GULP1: variants seen among roughly 807,000 people sequenced by gnomAD.
GULP1 encodes the protein GULP PTB domain containing engulfment adaptor 1.
In GULP1, 19 loss-of-function variants were observed where a neutral mutation model predicts 40.9. The observed-to-expected ratio is 0.46, with a 90% CI of 0.32 to 0.68. GULP1 has a LOEUF of 0.68. Ranked by LOEUF, GULP1 falls within the 30% of genes least tolerant of loss-of-function variation. GULP1 has a pLI of 0.03. For missense variants in GULP1, 312 were observed against 362.2 expected, an observed-to-expected ratio of 0.86 and a Z score of 1.12; for synonymous variants, 119 against 117.6, an observed-to-expected ratio of 1.01 and a Z score of -0.08.
intron 2 of GULP1, among the ~76,000 whole-genome samples, chr2:188,435,934 T>A (rs543992700): frequency 5.6e-4 from 86 of 152,268 alleles, no homozygotes; most frequent in African/African-American, 2.0e-3. Context: ...CCTCTTTTAA[T>A]GAATCTCACT....
intron 2 of GULP1, among the ~76,000 whole-genome samples, chr2:188,423,005 C>G (rs1334137417): frequency 6.6e-6 from 1 of 152,046 alleles, no homozygotes; most frequent in African/African-American, 2.4e-5. Context: ...GAGATTTCCA[C>G]TAATCTCTAG....
intron 2 of GULP1, among the ~76,000 whole-genome samples, chr2:188,402,057 C>G (rs977702792): frequency 4.6e-5 from 7 of 152,076 alleles, no homozygotes; most frequent in African/African-American, 1.7e-4. Context: ...CCTTCCCCTC[C>G]CCTTCCAAGT....
intron 2 of GULP1, among the ~76,000 whole-genome samples, chr2:188,409,931 A>C (rs1331286063): frequency 6.6e-6 from 1 of 152,230 alleles, no homozygotes; most frequent in African/African-American, 2.4e-5. Flanking sequence ...GAAGCATCAC[A>C]CTACCTGATT....
chr2:188,423,702 A>G (rs567993325), intron 2 of GULP1, among the ~76,000 whole-genome samples: 1 of 151,940 alleles, frequency 6.6e-6, no homozygotes, highest in East Asian at 1.9e-4. Context: ...AAATTTTAAC[A>G]TGTTAAAATA....
intron 4 of GULP1, among the ~76,000 whole-genome samples, chr2:188,487,464 G>T (rs1009480836): frequency 6.6e-6 from 1 of 151,906 alleles, no homozygotes; most frequent in Non-Finnish European, 1.5e-5. Context: ...GTGAGCAAAT[G>T]TAAAACAAAT....
intron 4 of GULP1, among the ~76,000 whole-genome samples, chr2:188,493,283 C>T (rs1305716829): frequency 1.4e-5 from 1 of 70,040 alleles, no homozygotes; most frequent in East Asian, 5.1e-4. Context: ...CACAGTCTTC[C>T]TTTATTCTCC....
At chr2:188,573,415 G>T (rs1390413408) in intron 9 of GULP1, among the ~76,000 whole-genome samples, 1 of 152,148 alleles carries the variant, frequency 6.6e-6, no homozygotes, top group Non-Finnish European at 1.5e-5. Context: ...AATGCAAATT[G>T]CAAATAATAA....
intron 11 of GULP1, chr2:188,592,980 C>G (rs891381647): frequency 6.6e-6 from 1 of 151,908 alleles, no homozygotes; most frequent in Admixed American, 6.6e-5. Flanking sequence ...TACAAATTAC[C>G]TTTCTGAAAC....
intron 7 of GULP1, among the ~76,000 whole-genome samples, chr2:188,547,833 C>G (rs957253013): frequency 5.9e-5 from 9 of 152,044 alleles, no homozygotes; most frequent in African/African-American, 2.2e-4. Context: ...GCTCAACATT[C>G]AAAAATCCAA....
chr2:188,296,807 A>T (rs1028707410), intron 1 of GULP1, among the ~76,000 whole-genome samples: 9 of 152,034 alleles, frequency 5.9e-5, no homozygotes, highest in African/African-American at 2.2e-4. Flanking sequence ...TGCTATTAAC[A>T]TTATATAAAT....
chr2:188,325,130 A>T (rs4446047), intron 1 of GULP1, among the ~76,000 whole-genome samples: 114,241 of 151,944 alleles, frequency 0.75, 43,383 homozygotes, highest in East Asian at 0.95. Flanking sequence ...ATACCGAAAC[A>T]TTTATTGATA....
chr2:188,364,049 T>C (rs1320090385), intron 1 of GULP1, among the ~76,000 whole-genome samples: 2 of 152,194 alleles, frequency 1.3e-5, no homozygotes, highest in Non-Finnish European at 2.9e-5. Context: ...ATTGCTACTT[T>C]GTCTAGCATC....
intron 2 of GULP1, among the ~76,000 whole-genome samples, chr2:188,426,852 C>T (rs2056262893): frequency 6.6e-6 from 1 of 152,098 alleles, no homozygotes; most frequent in Non-Finnish European, 1.5e-5. Context: ...ATGCAGGGCT[C>T]AGAAGAAGAC....
chr2:188,542,624 A>G (rs1690835511), intron 7 of GULP1, among the ~76,000 whole-genome samples: 1 of 152,178 alleles, frequency 6.6e-6, no homozygotes, highest in Non-Finnish European at 1.5e-5. Flanking sequence ...GGAACATTTC[A>G]TCAGAAAAAA....
At chr2:188,478,639 A>G (rs925133601) in intron 3 of GULP1, among the ~76,000 whole-genome samples, 7 of 152,240 alleles carry the variant, frequency 4.6e-5, no homozygotes, top group Admixed American at 2.0e-4. Context: ...AGATACTGCA[A>G]ATTGTCAAAC....
intron 2 of GULP1, among the ~76,000 whole-genome samples, chr2:188,443,448 A>G (rs1260611425): frequency 1.3e-5 from 2 of 152,192 alleles, no homozygotes; most frequent in East Asian, 1.9e-4. Flanking sequence ...ATTTAAATCA[A>G]CATTCAACAC....
intron 2 of GULP1, among the ~76,000 whole-genome samples, chr2:188,421,382 T>G (rs1352676154): frequency 2.6e-5 from 4 of 152,110 alleles, no homozygotes; most frequent in Non-Finnish European, 4.4e-5. Context: ...ATTTGTGCAT[T>G]CATGTATGTA....
At chr2:188,488,925 T>C (rs1302996865) in intron 4 of GULP1, among the ~76,000 whole-genome samples, 1 of 152,016 alleles carries the variant, frequency 6.6e-6, no homozygotes, top group Non-Finnish European at 1.5e-5. Flanking sequence ...TAGGGAGTTT[T>C]ACAAGTAATC....
At chr2:188,436,216 T>C (rs902280949) in intron 2 of GULP1, among the ~76,000 whole-genome samples, 1 of 152,076 alleles carries the variant, frequency 6.6e-6, no homozygotes, top group African/African-American at 2.4e-5. Context: ...TAGATTTTGT[T>C]CCTGTTTTTG....
Sources: gnomAD v4.1 joint callset for allele counts (sites outside exome capture counted in the v4.1 genomes callset) on GRCh38, gnomAD v4.1.1 for gene constraint, MANE v1.5 for transcripts, NCBI Gene and HGNC (gene_info 2026-07-23, HGNC 2026-07-21) for gene names.